The following ANKRD30B variants were observed in gnomAD, a reference collection of about 807,000 sequenced individuals.
The protein encoded by ANKRD30B is ankyrin repeat domain-containing protein 30B.
ANKRD30B carries 144 observed loss-of-function variants against 202.2 expected under a neutral mutation model. The ratio of observed to expected loss-of-function variants is 0.71; its 90% CI spans 0.62 to 0.82. The LOEUF (loss-of-function observed/expected upper bound fraction) is 0.82. ANKRD30B is among the 40% of genes least tolerant of loss of function. The pLI is 0.00. For synonymous variants in ANKRD30B, 508 were observed against 561.3 expected, an observed-to-expected ratio of 0.91 and a Z score of 1.34; for missense variants, 1,487 against 1,669.1, an observed-to-expected ratio of 0.89 and a Z score of 1.90.
chr18:14,806,961 T>A (rs1268697340), intron 24 of ANKRD30B, among the ~76,000 whole-genome samples: 1 of 151,010 alleles, frequency 6.6e-6, no homozygotes, highest in Non-Finnish European at 1.5e-5. Context: ...AACGACCTTC[T>A]CATCGTAATT....
chr18:14,820,146 T>C (rs906767052), intron 30 of ANKRD30B, among the ~76,000 whole-genome samples: 7 of 152,114 alleles, frequency 4.6e-5, no homozygotes, highest in Admixed American at 4.6e-4. Flanking sequence ...AGTTCACTCA[T>C]GATTTGGCTC....
chr18:14,858,194 GC>G (rs1972133856), downstream of ANKRD30B, among the ~76,000 whole-genome samples: 1 of 69,846 alleles, frequency 1.4e-5, no homozygotes, highest in African/African-American at 8.5e-5. Context: ...CCCAGATGGG[GC>G]GGCCGGGCAG....
intron 32 of ANKRD30B, among the ~76,000 whole-genome samples, chr18:14,826,224 T>C (rs1286003003): frequency 4.3e-4 from 66 of 152,318 alleles, no homozygotes; most frequent in Non-Finnish European, 6.8e-4. Flanking sequence ...GTATCAACAT[T>C]TCACAGAGTC....
chr18:14,858,218 C>T (rs1362499106), downstream of ANKRD30B, among the ~76,000 whole-genome samples: 2 of 55,112 alleles, frequency 3.6e-5, no homozygotes, highest in African/African-American at 2.3e-4. Flanking sequence ...GCGCTCTTCA[C>T]TTCCCAGATG....
At chr18:14,838,272 G>GTA (rs144365765) in intron 36 of ANKRD30B, among the ~76,000 whole-genome samples, 12,622 of 152,230 alleles carry the variant, frequency 0.083, 726 homozygotes, top group Non-Finnish European at 0.12. Context: ...ATGATTCTGT[G>GTA]TATATCTAGA....
chr18:14,909,943 G>T, the ANKRD30B span: 1 of 152,054 alleles, frequency 6.6e-6, no homozygotes, highest in Admixed American at 6.6e-5. Flanking sequence ...AATCTAGTGT[G>T]GGGGAAGATG....
chr18:14,895,432 G>A, the ANKRD30B span, among the ~76,000 whole-genome samples: 1 of 152,194 alleles, frequency 6.6e-6, no homozygotes, highest in Non-Finnish European at 1.5e-5. Context: ...TTACTAGTGG[G>A]AATGCAAAAT....
downstream of ANKRD30B, among the ~76,000 whole-genome samples, chr18:14,858,403 G>A (rs866667257): frequency 2.6e-4 from 22 of 83,024 alleles, no homozygotes; most frequent in East Asian, 1.0e-3. Flanking sequence ...GGGCAGAGGC[G>A]CTCCTCACAA....
chr18:14,933,704 G>A, the ANKRD30B span, among the ~76,000 whole-genome samples: 28 of 150,688 alleles, frequency 1.9e-4, no homozygotes, highest in Admixed American at 1.7e-3. Flanking sequence ...AAGGGGTTAG[G>A]GACTGGCATT....
In ANKRD30B at chr18:14,784,373, T is replaced by C; in HGVS notation, c.1599+9T>C. 1 of 1,612,778 alleles carries C rather than the reference T, an allele frequency of 6.2e-7. No individual in the cohort carries two copies. Among genetic ancestry groups the C allele is most frequent in the Non-Finnish European group, 8.5e-7 (1 of 1,179,142 alleles). On this transcript the variant is annotated intron_variant, in intron 13 of 43. Transcript: ENST00000690538. ...AGCCATCTGCCTTCAAGGTATTTAG[T>C]TTTATGGTTTCATTTTGAATGACTT...
Position 14,754,953 on chromosome 18 carries a change from G to C in ANKRD30B, c.565G>C (p.Glu189Gln). Residue 189 changes from glutamate (E) to glutamine (Q), a missense_variant, in exon 4 of 44, where the codon GAA becomes CAA. Physicochemically the swap from Glu to Gln is conservative, Grantham distance 29 (BLOSUM62 2). Around this residue, in one of 6 missense-constraint regions of ANKRD30B, gnomAD observed 889 missense variants for 841.4 expected, o/e 1.06. Transcript: ENST00000690538. ...AIQKRSKQTV[E>Q]FLLTKNANAN... The stretch of plus-strand genomic sequence containing the variant: ...ACAGAAAAGAAGCAAGCAAACTGTG[G>C]AATTTTTACTAACAAAAAATGCAAA... 6.4e-7 allele frequency: 1 copy of C among 1,556,254 alleles called. No homozygotes were observed. Among genetic ancestry groups the C allele is most frequent in the East Asian group, 2.4e-5 (1 of 41,820 alleles).
intron 7 of ANKRD30B, among the ~76,000 whole-genome samples, chr18:14,766,985 T>C (rs182043610): frequency 9.8e-5 from 15 of 152,334 alleles, no homozygotes; most frequent in Admixed American, 8.5e-4. Context: ...AGTATACTGT[T>C]GATATGGTTG....
chr18:14,768,345 C>G (rs1431164868), intron 7 of ANKRD30B, among the ~76,000 whole-genome samples: 5 of 152,106 alleles, frequency 3.3e-5, no homozygotes, highest in Non-Finnish European at 5.9e-5. Flanking sequence ...TTGTGATACC[C>G]TTCATAATAA....
chr18:14,918,979 A>C, the ANKRD30B span, among the ~76,000 whole-genome samples: 1 of 152,184 alleles, frequency 6.6e-6, no homozygotes, highest in African/African-American at 2.4e-5. Flanking sequence ...ATGTGATGAC[A>C]CAGCAAGAAA....
At chr18:14,771,983 G>A (rs1967030842) in intron 8 of ANKRD30B, among the ~76,000 whole-genome samples, 173 bp from the exon 9 acceptor site, 1 of 152,080 alleles carries the variant, frequency 6.6e-6, no homozygotes, top group Non-Finnish European at 1.5e-5. Flanking sequence ...TAAAAACAGA[G>A]GACATATTTT....
At chr18:14,870,529 C>T in the ANKRD30B span, among the ~76,000 whole-genome samples, 1 of 152,172 alleles carries the variant, frequency 6.6e-6, no homozygotes, top group African/African-American at 2.4e-5. Context: ...CAAAGGGGAA[C>T]ACTTCCCACA....
At chr18:14,916,479 G>A in the ANKRD30B span, among the ~76,000 whole-genome samples, 2 of 121,472 alleles carry the variant, frequency 1.6e-5, no homozygotes, top group African/African-American at 2.5e-5. Flanking sequence ...AGGGAGAGAG[G>A]GAGATGCCTC....
chr18:14,862,123 T>C, the ANKRD30B span, among the ~76,000 whole-genome samples: 1 of 151,578 alleles, frequency 6.6e-6, no homozygotes, highest in Non-Finnish European at 1.5e-5. Context: ...ACGTCTGGGA[T>C]ACAGAAAAAA....
At chr18:14,839,346 C>T (rs576031440) in intron 36 of ANKRD30B, among the ~76,000 whole-genome samples, 1 of 152,250 alleles carries the variant, frequency 6.6e-6, no homozygotes, top group Non-Finnish European at 1.5e-5. Context: ...CATTTAATCT[C>T]CCATCTCAAA....
Sources: allele counts gnomAD v4.1 joint callset (sites outside exome capture counted in the v4.1 genomes callset), GRCh38; gene constraint gnomAD v4.1.1; regional missense constraint gnomAD v4.1.1; transcripts MANE v1.5; gene names NCBI Gene and HGNC (gene_info 2026-07-23, HGNC 2026-07-21).